Variants in MRPS6 observed in about 807,000 individuals in gnomAD.
The protein encoded by MRPS6 is small ribosomal subunit protein bS6m.
A neutral mutation model predicts 13.1 loss-of-function variants in MRPS6; 6 were observed. The ratio of observed to expected loss-of-function variants is 0.46; its 90% confidence interval spans 0.25 to 0.91. MRPS6 has a LOEUF of 0.91. Among genes scored for constraint, MRPS6 ranks in the 40% least tolerant of loss-of-function variants. The pLI, the probability that MRPS6 is intolerant of heterozygous loss-of-function variation, is 0.18. For synonymous variants in MRPS6, 61 were observed against 56.5 expected (o/e 1.08, Z -0.36); for missense variants, 164 against 155.6 (o/e 1.05, Z -0.29).
intron 2 of MRPS6, chr21:34,135,351 T>TG (rs1329805887): frequency 2.8e-4 from 40 of 142,276 alleles, no homozygotes; most frequent in Non-Finnish European, 3.9e-4. Context: ...AGCCGGTTTT[T>TG]TTTTTTTTTT....
chr21:34,099,093 C>T (rs764011937), intron 1 of MRPS6: 7 of 999,508 alleles, frequency 7.0e-6, no homozygotes, highest in Non-Finnish European at 8.4e-6. Context: ...AGTGTCTTCC[C>T]ATGATCAGGA....
intron 1 of MRPS6, among the ~76,000 whole-genome samples, chr21:34,086,639 T>G (rs1302452634): frequency 2.0e-5 from 3 of 152,148 alleles, no homozygotes; most frequent in East Asian, 3.8e-4. Context: ...CTCTCAAATG[T>G]CCTCAGTTTT....
chr21:34,137,115 A>G (rs1472153324), intron 2 of MRPS6, among the ~76,000 whole-genome samples: 1 of 152,192 alleles, frequency 6.6e-6, no homozygotes, highest in Non-Finnish European at 1.5e-5. Context: ...TTAGTCCTTC[A>G]ACTTACATTC....
rs868166565 is a variant in MRPS6, at chr21:34,088,886, A to T, written c.45+15141A>T. Among the ~76,000 whole-genome samples, 213 of 149,064 alleles carry T rather than the reference A, an allele frequency of 1.4e-3. 1 individual carries two copies. Among genetic ancestry groups the T allele is most frequent in the Admixed American group, 3.2e-3 (49 of 15,100 alleles). On this transcript the variant is annotated intron_variant, in intron 1 of 2. Coordinates refer to ENST00000399312, the MANE Select transcript of MRPS6 (RefSeq NM_032476.4). ...TAGTGTAAGATTTTTTTTTTTTTTT[A>T]AATTTCCATTATTTATAACTCACTT... is the stretch of plus-strand genomic sequence containing the variant.
intron 1 of MRPS6, among the ~76,000 whole-genome samples, chr21:34,111,634 A>G (rs958857229): frequency 5.3e-5 from 8 of 152,124 alleles, no homozygotes; most frequent in African/African-American, 1.9e-4. Context: ...GTTCCTTTTC[A>G]TATGTGGCCT....
chr21:34,120,264 T>C (rs911022414), intron 1 of MRPS6, among the ~76,000 whole-genome samples: 2 of 152,176 alleles, frequency 1.3e-5, no homozygotes, highest in Admixed American at 1.3e-4. Context: ...CATGCAGATA[T>C]TAATCCAACA....
At chr21:34,138,193 C>A (rs1051835158) in intron 2 of MRPS6, among the ~76,000 whole-genome samples, 8 of 150,748 alleles carry the variant, frequency 5.3e-5, no homozygotes, top group Admixed American at 3.3e-4. Flanking sequence ...AAATTTTCTC[C>A]CATTTTGTAG....
intron 1 of MRPS6, among the ~76,000 whole-genome samples, chr21:34,114,013 C>G (rs751575758): frequency 6.6e-6 from 1 of 152,144 alleles, no homozygotes; most frequent in Non-Finnish European, 1.5e-5. Flanking sequence ...CTACCTGATT[C>G]CTGCTCCCAC....
intron 2 of MRPS6, among the ~76,000 whole-genome samples, chr21:34,141,758 G>A (rs925336266): frequency 7.2e-5 from 11 of 152,336 alleles, no homozygotes; most frequent in East Asian, 1.9e-4. Context: ...GCAGGCTGCT[G>A]AGGACCTTGT....
At chr21:34,091,769 T>G (rs2148657852) in intron 1 of MRPS6, among the ~76,000 whole-genome samples, 1 of 152,302 alleles carries the variant, frequency 6.6e-6, no homozygotes, top group South Asian at 2.1e-4. Flanking sequence ...CAAAGCACCT[T>G]TGTGTTCAAG....
Position 34,098,463 on chromosome 21 carries a change from A to ATT in MRPS6, c.45+24727_45+24728dup, listed in dbSNP as rs143708036. ...TGCATCCTTGATAAGTTTTTCCCTG[A>ATT]TTTTTTTTTTCCTCAAAAGACTTTC... is the stretch of plus-strand genomic sequence containing the variant. On this transcript the variant is annotated intron_variant, in intron 1 of 2. Coordinates refer to ENST00000399312, the MANE Select transcript of MRPS6 (RefSeq NM_032476.4). 5.2e-6 allele frequency: 5 copies of ATT among 965,326 alleles called. No homozygotes were observed. The African/African-American group carries it at 8.9e-5, about 17-fold the overall frequency. 59.8% of individuals were successfully genotyped at this position (965,326 alleles called of 1,614,324 possible).
In MRPS6 at chr21:34,096,942, A is replaced by G. The variant is rs1482770522; in HGVS notation, c.45+23197A>G. On this transcript the variant is annotated intron_variant, in intron 1 of 2. Transcript: ENST00000399312. The surrounding 1 kb of genome is among the most constrained non-coding windows in gnomAD (Gnocchi z 5.9). ...GAGATGCAGTGAGAATAATGAGACC[A>G]TCAACCACATCATTCCCAACGGGAA... The G allele has an allele frequency of 1.9e-6, 3 of 1,614,042 alleles. No homozygotes were observed. The African/African-American group carries it at 4.0e-5, about 22-fold the overall frequency.
chr21:34,108,905 G>A (rs1432150922), intron 1 of MRPS6, among the ~76,000 whole-genome samples: 2 of 152,218 alleles, frequency 1.3e-5, no homozygotes, highest in Non-Finnish European at 1.5e-5. Flanking sequence ...TGGCAGCTCC[G>A]TGCTGGGACT....
chr21:34,131,855 C>A (rs751238610), intron 2 of MRPS6, among the ~76,000 whole-genome samples: 1 of 152,232 alleles, frequency 6.6e-6, no homozygotes, highest in Non-Finnish European at 1.5e-5. Context: ...TCTGCTCATG[C>A]AGCAGCTCGT....
intron 1 of MRPS6, among the ~76,000 whole-genome samples, chr21:34,107,232 G>A (rs541255375): frequency 6.6e-6 from 1 of 152,250 alleles, no homozygotes; most frequent in East Asian, 1.9e-4. Flanking sequence ...GTGCCCAGCC[G>A]GTATTGACAT....
intron 1 of MRPS6, chr21:34,123,376 C>T (rs1980190746): frequency 6.6e-6 from 1 of 152,116 alleles, no homozygotes; most frequent in South Asian, 2.1e-4. Flanking sequence ...TGCACCTCTT[C>T]ACGTAGGTCT....
intron 2 of MRPS6, chr21:34,135,573 A>T: frequency 4.4e-6 from 2 of 452,374 alleles, no homozygotes; most frequent in South Asian, 3.4e-5. Context: ...CACCCTCAAG[A>T]GTGCCTGTGC....
rs749135471 is a variant in MRPS6 at position 34,096,546 on chromosome 21, C to T, written c.45+22801C>T. ...TCAGGAGGTAGCAGATTACCTGACA[C>T]CCCCAGTGGCAGCCTTGTTCCTGCT... is the stretch of plus-strand genomic sequence containing the variant. On this transcript the variant is annotated intron_variant, in intron 1 of 2. Coordinates refer to ENST00000399312, the MANE Select transcript of MRPS6 (RefSeq NM_032476.4). The surrounding 1 kb of genome is among the most constrained non-coding windows in gnomAD (Gnocchi z 5.9). The T allele has an allele frequency of 1.2e-6, 2 of 1,614,124 alleles. No homozygotes were observed. The highest frequency in any genetic ancestry group is 3.3e-5 in the Admixed American group (2 of 60,010).
intron 1 of MRPS6, chr21:34,098,086 T>C (rs757139444): frequency 1.2e-4 from 124 of 999,300 alleles, no homozygotes; most frequent in Non-Finnish European, 1.2e-4. Context: ...ATTGTGTTGT[T>C]AAATGATTAT....
Sources: gnomAD v4.1 joint callset for allele counts (sites outside exome capture counted in the v4.1 genomes callset) on GRCh38, gnomAD v4.1.1 for gene constraint, Gnocchi (gnomAD v3.1) non-coding constraint, MANE v1.5 for transcripts, NCBI Gene and HGNC (gene_info 2026-07-23, HGNC 2026-07-21) for gene names.